Variants in KLHL1 observed in about 807,000 individuals in gnomAD.
The protein encoded by KLHL1 is kelch-like protein 1.
In KLHL1, 47 loss-of-function variants were observed where a neutral mutation model predicts 77.7. That is an observed-to-expected ratio of 0.60 (90% CI 0.48 to 0.77). The LOEUF is 0.77. Among genes scored for constraint, KLHL1 ranks in the 30% least tolerant of loss-of-function variants. KLHL1 has a pLI of 0.00. For missense variants in KLHL1, 925 were observed against 910.8 expected (o/e 1.02, Z -0.20); for synonymous variants, 360 against 325.2 (o/e 1.11, Z -1.15).
At chr13:69,978,733 C>A (rs542114004) in intron 1 of KLHL1, among the ~76,000 whole-genome samples, 1 of 152,030 alleles carries the variant, frequency 6.6e-6, no homozygotes, top group Non-Finnish European at 1.5e-5. Flanking sequence ...GTGATCTGCC[C>A]GCCTTGGCCC....
intron 4 of KLHL1, among the ~76,000 whole-genome samples, chr13:69,933,246 A>T (rs1883065550): frequency 6.6e-6 from 1 of 152,138 alleles, no homozygotes; most frequent in African/African-American, 2.4e-5. Context: ...AGTAACACAA[A>T]ATGATAAATA....
At chr13:69,965,211 T>G (rs1487779717) in intron 2 of KLHL1, among the ~76,000 whole-genome samples, 1 of 152,258 alleles carries the variant, frequency 6.6e-6, no homozygotes, top group Non-Finnish European at 1.5e-5. Flanking sequence ...AATTGAAGGC[T>G]TATAGCAACT....
At chr13:70,001,253 G>C (rs555870003) in intron 1 of KLHL1, among the ~76,000 whole-genome samples, 21 of 151,134 alleles carry the variant, frequency 1.4e-4, no homozygotes, top group African/African-American at 4.8e-4. Flanking sequence ...AAATAAAAAT[G>C]TAGTCAAATA....
At chr13:69,996,910 ATTTTTTTTTTTTTTTTT>A (rs10549532) in intron 1 of KLHL1, among the ~76,000 whole-genome samples, 3 of 71,240 alleles carry the variant, frequency 4.2e-5, no homozygotes, top group Non-Finnish European at 7.4e-5. Context: ...TATTCATTAA[ATTTTTTTTTTTTTTTTT>A]TTTTTTTTTT....
chr13:69,836,854 C>CAAA lies in KLHL1; in HGVS notation c.1414+2119_1414+2121dup, dbSNP rs56044802. 2.1e-3 allele frequency among the ~76,000 whole-genome samples: 313 copies of CAAA among 149,912 alleles called. 2 individuals carry two copies. Among genetic ancestry groups the CAAA allele is most frequent in the African/African-American group, 6.9e-3 (283 of 40,916 alleles). The stretch of plus-strand genomic sequence containing the variant: ...TGACCAAACAATGCTCAAGAAACTG[C>CAAA]AAAAAAAATGCAATAATTAGAAGAG... On this transcript the variant is annotated intron_variant, in intron 6 of 10. Transcript: ENST00000377844.
chr13:69,936,592 C>CAA (rs57906720), intron 4 of KLHL1, among the ~76,000 whole-genome samples: 3,113 of 79,830 alleles, frequency 0.039, 200 homozygotes, highest in African/African-American at 0.13. Flanking sequence ...GACTCCATCT[C>CAA]AAAAAAAAAA....
chr13:69,742,413 A>G (rs1228814036), intron 7 of KLHL1, among the ~76,000 whole-genome samples: 2 of 152,170 alleles, frequency 1.3e-5, no homozygotes, highest in Non-Finnish European at 2.9e-5. Context: ...GAGACCCATG[A>G]AGAATTGTCT....
At chr13:70,048,126 A>C (rs1280006509) in intron 1 of KLHL1, among the ~76,000 whole-genome samples, 2 of 152,198 alleles carry the variant, frequency 1.3e-5, no homozygotes, top group African/African-American at 4.8e-5. Context: ...AAAAAATGAT[A>C]TTATTGCACA....
At chr13:69,877,898 A>C (rs1880827197) in intron 5 of KLHL1, among the ~76,000 whole-genome samples, 1 of 152,170 alleles carries the variant, frequency 6.6e-6, no homozygotes, top group Non-Finnish European at 1.5e-5. Flanking sequence ...TTAATAAAGA[A>C]TATCTGATTT....
At chr13:69,901,795 CT>C (rs1205221353) in intron 4 of KLHL1, among the ~76,000 whole-genome samples, 2,121 of 40,842 alleles carry the variant, frequency 0.052, 27 homozygotes, top group Middle Eastern at 0.17. Context: ...TTCTTTTTTT[CT>C]TTTTTTTTTT....
At chr13:69,956,282 T>C (rs1883886360) in intron 3 of KLHL1, among the ~76,000 whole-genome samples, 2 of 150,294 alleles carry the variant, frequency 1.3e-5, no homozygotes, top group South Asian at 4.2e-4. Flanking sequence ...GGAACATGTA[T>C]AATTCAGCAT....
intron 4 of KLHL1, among the ~76,000 whole-genome samples, chr13:69,885,186 C>T (rs1278219752): frequency 2.2e-5 from 3 of 136,372 alleles, no homozygotes; most frequent in East Asian, 1.9e-4. Flanking sequence ...GTGATCCACC[C>T]GCCTCGGCCT....
At chr13:69,893,021 A>G (rs1881484147) in intron 4 of KLHL1, among the ~76,000 whole-genome samples, 2 of 152,218 alleles carry the variant, frequency 1.3e-5, no homozygotes, top group Non-Finnish European at 2.9e-5. Flanking sequence ...AAAAATCACA[A>G]GACTATATAT....
intron 10 of KLHL1, among the ~76,000 whole-genome samples, chr13:69,702,661 A>G (rs1257549504): frequency 2.0e-5 from 3 of 151,722 alleles, no homozygotes; most frequent in Admixed American, 6.6e-5. Context: ...TCCATTTTCT[A>G]CCAGTTATTT....
chr13:69,905,661 T>C (rs551467444), intron 4 of KLHL1, among the ~76,000 whole-genome samples: 2 of 152,248 alleles, frequency 1.3e-5, no homozygotes, highest in Admixed American at 1.3e-4. Context: ...GTTTTTAAGC[T>C]ATTAAATGTA....
At position 69,950,293 on chromosome 13, in the gene KLHL1, T is replaced by A. The variant is rs58298316; in HGVS notation, c.818-10057A>T. On this transcript the variant is annotated intron_variant, in intron 3 of 10. Transcript: ENST00000377844. ...CCAGTAGCTCAAATTTACTTAAATT[T>A]CTTTAAAGCTACTCTAATTACATAT... is the stretch of plus-strand genomic sequence containing the variant. 2.0e-5 allele frequency among the ~76,000 whole-genome samples: 3 copies of A among 151,574 alleles called. No homozygotes were observed. The South Asian group carries it at 6.2e-4, about 31-fold the overall frequency.
At chr13:69,947,348 A>AAT (rs1449486073) in intron 3 of KLHL1, among the ~76,000 whole-genome samples, 5 of 152,030 alleles carry the variant, frequency 3.3e-5, no homozygotes, top group African/African-American at 1.2e-4. Context: ...GTATATTACT[A>AAT]TATTTCTTTA....
chr13:69,937,826 C>A (rs966644769), intron 4 of KLHL1, among the ~76,000 whole-genome samples: 2 of 152,068 alleles, frequency 1.3e-5, no homozygotes, highest in African/African-American at 4.8e-5. Flanking sequence ...ATATAGATAG[C>A]AAATTAAAGT....
At chr13:69,768,994 TAAATA>T (rs1875440074) in intron 7 of KLHL1, among the ~76,000 whole-genome samples, 1 of 152,300 alleles carries the variant, frequency 6.6e-6, no homozygotes, top group African/African-American at 2.4e-5. Flanking sequence ...CATGGAAAGT[TAAATA>T]AAAATGAATA....
Sources: allele counts gnomAD v4.1 joint callset (sites outside exome capture counted in the v4.1 genomes callset), GRCh38; gene constraint gnomAD v4.1.1; transcripts MANE v1.5; gene names NCBI Gene and HGNC (gene_info 2026-07-23, HGNC 2026-07-21).